The following FAM47E variants were observed in gnomAD, a reference collection of about 807,000 sequenced individuals.
FAM47E encodes the protein family with sequence similarity 47 member E.
Under a neutral mutation model 41.6 loss-of-function variants are expected in FAM47E, and 32 were observed. The observed-to-expected ratio is 0.77, with a 90% CI of 0.58 to 1.03. The LOEUF (loss-of-function observed/expected upper bound fraction) is 1.03. Among genes scored for constraint, FAM47E ranks in the 50% least tolerant of loss-of-function variants. The pLI, the probability that FAM47E is intolerant of heterozygous loss-of-function variation, is 0.00. For synonymous variants in FAM47E, 184 were observed against 188.7 expected (o/e 0.98, Z 0.20); for missense variants, 424 against 485.4 (o/e 0.87, Z 1.19).
chr4:76,237,676 T>C (rs1458897747), intron 2 of FAM47E, among the ~76,000 whole-genome samples: 1 of 152,198 alleles, frequency 6.6e-6, no homozygotes, highest in Non-Finnish European at 1.5e-5. Context: ...AGCATGATGC[T>C]GGCATCTGCT....
chr4:76,262,940 T>G (rs892016826), intron 2 of FAM47E, among the ~76,000 whole-genome samples: 6 of 152,124 alleles, frequency 3.9e-5, no homozygotes, highest in Admixed American at 2.0e-4. Context: ...TTAAAAAAAT[T>G]TTTTAAATAG....
chr4:76,256,108 C>T, intron 1 of FAM47E, 70 bp from the exon 2 acceptor site: 1 of 1,476,820 alleles, frequency 6.8e-7, no homozygotes, highest in South Asian at 1.4e-5. Flanking sequence ...CTTCTCCCAC[C>T]CAAGTCCTGT....
intron 1 of FAM47E, among the ~76,000 whole-genome samples, chr4:76,254,375 G>T (rs150929608): frequency 3.3e-5 from 5 of 152,226 alleles, no homozygotes; most frequent in African/African-American, 1.2e-4. Flanking sequence ...AATATGGAGG[G>T]TTACTTACTA....
intron 2 of FAM47E, among the ~76,000 whole-genome samples, chr4:76,239,451 GTTATTTTGATCTGTATTTCCCTAA>G (rs956559679): frequency 3.3e-5 from 5 of 152,078 alleles, no homozygotes; most frequent in African/African-American, 4.8e-5. Context: ...GTATCTCATT[GTTATTTTGATCTGTATTTCCCTAA>G]TTATTCATGA....
chr4:76,274,901 G>C (rs1735033345), intron 5 of FAM47E, among the ~76,000 whole-genome samples: 1 of 152,006 alleles, frequency 6.6e-6, no homozygotes, highest in African/African-American at 2.4e-5. Flanking sequence ...GATCTGTCTG[G>C]ACTCTCGGTC....
chr4:76,240,648 G>C (rs1021779826), intron 2 of FAM47E, among the ~76,000 whole-genome samples: 1 of 151,954 alleles, frequency 6.6e-6, no homozygotes, highest in African/African-American at 2.4e-5. Context: ...TGATTCTTGT[G>C]CTTGCTCAAA....
intron 1 of FAM47E, 133 bp downstream of exon 1, chr4:76,251,953 G>C (rs1733983589): frequency 8.4e-7 from 1 of 1,188,572 alleles, no homozygotes; most frequent in Admixed American, 4.1e-5. Context: ...CTTCCTGTAC[G>C]TACAACATAA....
intron 2 of FAM47E, among the ~76,000 whole-genome samples, chr4:76,237,886 A>C (rs3919711): frequency 0.73 from 111,048 of 152,064 alleles, 41,624 homozygotes; most frequent in East Asian, 0.82. Flanking sequence ...TTCCTGAGAA[A>C]TCCACCCCCG....
At position 76,263,934 on chromosome 4, in the gene FAM47E, C is replaced by T. The variant is rs192188195; in HGVS notation, c.560+91C>T. 5,438 of 1,464,750 alleles carry T rather than the reference C, an allele frequency of 3.7e-3. 18 individuals carry two copies. The highest frequency in any genetic ancestry group is 4.6e-3 in the Non-Finnish European group (5,111 of 1,099,690). 90.7% of individuals were successfully genotyped at this position (1,464,750 alleles called of 1,614,324 possible). A position where few individuals can be genotyped will look rare whatever the true frequency, so the allele number is the denominator to read the frequency against. Reference sequence around the variant, plus strand: ...CTTAAAACTTCTCATCTTTAGAATACTTCTAATGAAGCAAATGTAACTAAG... The same window carrying T: ...CTTAAAACTTCTCATCTTTAGAATATTTCTAATGAAGCAAATGTAACTAAG... On this transcript the variant is annotated intron_variant, in intron 3 of 7. Coordinates refer to ENST00000424749, the MANE Select transcript of FAM47E (RefSeq NM_001136570.3).
upstream of FAM47E, among the ~76,000 whole-genome samples, chr4:76,247,645 G>A (rs534891600): frequency 6.6e-6 from 1 of 152,136 alleles, no homozygotes; most frequent in South Asian, 2.1e-4. Flanking sequence ...ATCCTAATTG[G>A]TGTGAAGTAG....
intron 3 of FAM47E, chr4:76,267,913 T>C (rs1465218409): frequency 6.6e-6 from 1 of 152,220 alleles, no homozygotes; most frequent in Non-Finnish European, 1.5e-5. Flanking sequence ...TGATTATTAA[T>C]GGCTGCGGGG....
intron 2 of FAM47E, among the ~76,000 whole-genome samples, chr4:76,238,364 G>A (rs1324639867): frequency 6.6e-6 from 1 of 152,180 alleles, no homozygotes; most frequent in Non-Finnish European, 1.5e-5. Context: ...GAAACTGTTT[G>A]TCCCTTTCTA....
At chr4:76,220,804 G>A (rs56155931) in intron 2 of FAM47E, among the ~76,000 whole-genome samples, 7,706 of 152,214 alleles carry the variant, frequency 0.051, 643 homozygotes, top group African/African-American at 0.17. Context: ...AGAAATAAAA[G>A]GGATAACCAG....
At chr4:76,243,014 G>C (rs1300117911) in intron 2 of FAM47E, among the ~76,000 whole-genome samples, 1 of 152,172 alleles carries the variant, frequency 6.6e-6, no homozygotes, top group Non-Finnish European at 1.5e-5. Context: ...GAAACGCTGA[G>C]ATGTAGACTG....
intron 2 of FAM47E, among the ~76,000 whole-genome samples, chr4:76,261,184 C>T (rs1734399215): frequency 6.6e-6 from 1 of 151,850 alleles, no homozygotes; most frequent in Non-Finnish European, 1.5e-5. Flanking sequence ...CAGATATTGG[C>T]AAGGATGCAG....
chr4:76,221,551 C>G (rs1733307538), intron 2 of FAM47E, among the ~76,000 whole-genome samples: 1 of 152,108 alleles, frequency 6.6e-6, no homozygotes, highest in African/African-American at 2.4e-5. Context: ...AACTCCTGAC[C>G]TCAGGTGATC....
chr4:76,235,649 TAAGAG>T (rs1394565742), intron 2 of FAM47E, among the ~76,000 whole-genome samples: 1 of 152,222 alleles, frequency 6.6e-6, no homozygotes, highest in Non-Finnish European at 1.5e-5. Context: ...ATCAACCTGT[TAAGAG>T]AAGAGAAGGT....
intron 2 of FAM47E, among the ~76,000 whole-genome samples, chr4:76,238,720 A>G (rs757223312): frequency 3.3e-5 from 5 of 152,208 alleles, no homozygotes; most frequent in African/African-American, 1.2e-4. Flanking sequence ...ATTTAAAAAA[A>G]CTTTATTGTT....
chr4:76,272,762 CA>C (rs1244686924), intron 5 of FAM47E, among the ~76,000 whole-genome samples: 1 of 152,182 alleles, frequency 6.6e-6, no homozygotes, highest in African/African-American at 2.4e-5. Flanking sequence ...TAAAATTGCT[CA>C]ATTCCCTGTA....
Sources: allele counts gnomAD v4.1 joint callset (sites outside exome capture counted in the v4.1 genomes callset), GRCh38; gene constraint gnomAD v4.1.1; transcripts MANE v1.5; gene names NCBI Gene and HGNC (gene_info 2026-07-23, HGNC 2026-07-21).